The following CNGB1 variants were observed in gnomAD, a reference collection of about 807,000 sequenced individuals.
CNGB1 encodes cyclic nucleotide-gated channel beta-1.
Under a neutral mutation model 151.7 loss-of-function variants are expected in CNGB1, and 126 were observed. That is an observed-to-expected ratio of 0.83 (90% CI 0.72 to 0.96). The LOEUF is 0.96. Among genes scored for constraint, CNGB1 ranks in the 40% least tolerant of loss-of-function variants. The pLI is 0.00. For missense variants in CNGB1, 1,698 were observed against 1,627.0 expected, an observed-to-expected ratio of 1.04 and a Z score of -0.75; for synonymous variants, 623 against 635.1, an observed-to-expected ratio of 0.98 and a Z score of 0.29.
chr16:57,888,533 A>G (rs1317103808), intron 31 of CNGB1, among the ~76,000 whole-genome samples: 3 of 151,678 alleles, frequency 2.0e-5, no homozygotes, highest in African/African-American at 7.3e-5. Flanking sequence ...TAGTGGCGTG[A>G]TCATGGCTTA....
intron 16 of CNGB1, 135 bp downstream of exon 16, chr16:57,939,295 G>C: frequency 4.9e-6 from 6 of 1,226,400 alleles, no homozygotes; most frequent in Non-Finnish European, 5.9e-6. Flanking sequence ...CCTGAAGACA[G>C]GGTGGCTGAG....
intron 17 of CNGB1, among the ~76,000 whole-genome samples, chr16:57,930,534 G>T (rs1381879312): frequency 4.1e-5 from 5 of 122,806 alleles, no homozygotes; most frequent in Non-Finnish European, 8.2e-5. Context: ...GAGAGGGGAA[G>T]AGAGGGGAGG....
At position 57,964,499 on chromosome 16, in the gene CNGB1, G is replaced by C. The variant is rs1255065463; in HGVS notation, c.205C>G (p.Pro69Ala). ...FKEEEVAVAD[P>A]SPQETKEAAL... The stretch of plus-strand genomic sequence containing the variant: ...CACTCGCACTCACCCTGAGGGCTTG[G>C]GTCTGCCACAGCCACTTCCTCCTCC... The change falls in exon 3 of 33, where the codon CCA (proline) becomes GCA (alanine). Residue 69 changes from proline to alanine, a missense_variant. By Grantham distance (27) the Pro-to-Ala change is conservative. Coordinates refer to ENST00000251102, the MANE Select transcript of CNGB1 (RefSeq NM_001297.5). 6.2e-7 allele frequency: 1 copy of C among 1,614,124 alleles called. No homozygotes were observed. Among genetic ancestry groups the C allele is most frequent in the Non-Finnish European group, 8.5e-7 (1 of 1,180,030 alleles).
At chr16:57,889,810 C>T (rs1022524803) in intron 31 of CNGB1, among the ~76,000 whole-genome samples, 23 of 152,254 alleles carry the variant, frequency 1.5e-4, no homozygotes, top group African/African-American at 5.5e-4. Flanking sequence ...CCCAGTGCCC[C>T]AGATATTAAT....
chr16:57,948,420 G>T (rs1961862399), intron 14 of CNGB1, among the ~76,000 whole-genome samples: 1 of 151,578 alleles, frequency 6.6e-6, no homozygotes, highest in South Asian at 2.1e-4. Context: ...CTCCCAGAGT[G>T]CTGGGATTAC....
chr16:57,954,894 T>C (rs896057541), intron 12 of CNGB1: 74 of 1,033,892 alleles, frequency 7.2e-5, no homozygotes, highest in Non-Finnish European at 6.5e-5. Flanking sequence ...CCTCCATCCA[T>C]GGGGCTTTTT....
intron 32 of CNGB1, among the ~76,000 whole-genome samples, chr16:57,887,326 C>T (rs1959959509): frequency 6.6e-6 from 1 of 152,152 alleles, no homozygotes; most frequent in African/African-American, 2.4e-5. Flanking sequence ...TGCTCCCAGC[C>T]TACTCTCAGT....
At chr16:57,927,605 A>G (rs1033369155) in intron 17 of CNGB1, among the ~76,000 whole-genome samples, 8 of 152,216 alleles carry the variant, frequency 5.3e-5, no homozygotes, top group African/African-American at 1.4e-4. Flanking sequence ...CCCAGCACAT[A>G]CAGATGTTCA....
chr16:57,964,284 G>C, intron 3 of CNGB1, 82 bp from the exon 4 acceptor site: 2 of 1,476,468 alleles, frequency 1.4e-6, no homozygotes, highest in Non-Finnish European at 1.9e-6. Context: ...CAAGTCAGGG[G>C]AGAGGAGAGA....
intron 27 of CNGB1, among the ~76,000 whole-genome samples, chr16:57,903,259 A>T (rs1337293138): frequency 4.1e-5 from 6 of 147,838 alleles, no homozygotes; most frequent in Admixed American, 1.4e-4. Flanking sequence ...TGGGAGCCCG[A>T]GGCTGGCTAA....
rs777912112 is a variant in CNGB1 at position 57,884,349 on chromosome 16, C to T, written c.3571G>A (p.Glu1191Lys). The T allele has an allele frequency of 6.4e-7, 1 of 1,568,748 alleles. No homozygotes were observed. Among genetic ancestry groups the T allele is most frequent in the South Asian group, 1.1e-5 (1 of 88,924 alleles). ...GAGCTCGGTGGAGACCCCGGGGGCT[C>T]GGGGGGCGTCCGGGGCGCGGGTGGG... The part of the protein sequence containing the change: ...TDPPAPRTPP[E>K]PPGSPPSSPP... The change falls in exon 33 of 33, where the codon GAG becomes AAG. Residue 1191 changes from glutamate (E) to lysine (K), a missense_variant. Coordinates refer to ENST00000251102, the MANE Select transcript of CNGB1 (RefSeq NM_001297.5).
intron 25 of CNGB1, among the ~76,000 whole-genome samples, chr16:57,905,240 T>C (rs1303732372): frequency 6.6e-6 from 1 of 152,178 alleles, no homozygotes; most frequent in Admixed American, 6.5e-5. Flanking sequence ...CAATTTTCAG[T>C]CTTTTCATTT....
chr16:57,963,953 C>G lies in CNGB1; in HGVS notation c.290+177G>C, dbSNP rs1011228400. On this transcript the variant is annotated intron_variant, in intron 4 of 32. Coordinates refer to ENST00000251102, the MANE Select transcript of CNGB1 (RefSeq NM_001297.5). ...GAGCTTCAGGCTTACTTAGGGAGAGCCCGCCCTCCACCTGAAGCTCACTTC... is the reference window on the plus strand; with the variant it reads ...GAGCTTCAGGCTTACTTAGGGAGAGGCCGCCCTCCACCTGAAGCTCACTTC... 3.8e-5 allele frequency: 23 copies of G among 608,544 alleles called. 1 individual carries two copies. Among genetic ancestry groups the G allele is most frequent in the Admixed American group, 1.5e-4 (5 of 34,084 alleles). The allele number at this position is 608,544 out of a possible 1,614,324, so 37.7% of individuals were successfully genotyped here. A position where few individuals can be genotyped will look rare whatever the true frequency, so the allele number is the denominator to read the frequency against.
chr16:57,960,045 C>A lies in CNGB1; in HGVS notation c.604G>T (p.Glu202Ter). Reference protein sequence around the residue: ...SDPAPPGRPQEMGPKLQARET... With the variant: ...SDPAPPGRPQ ...CGGGCCTGCAGCTTGGGCCCCATTT[C>A]CTGGGGGCGTCCTGGAGGCGCTAAG... The change falls in exon 10 of 33, where the codon GAA becomes TAA. Residue 202 changes from glutamate (E) to a stop codon, truncating the protein, a stop_gained. Transcript: ENST00000251102. LOFTEE classifies it high-confidence loss of function. 6.4e-7 allele frequency: 1 copy of A among 1,561,854 alleles called. No homozygotes were observed. Among genetic ancestry groups the A allele is most frequent in the South Asian group, 1.2e-5 (1 of 85,546 alleles).
At chr16:57,904,037 C>T (rs751921707) in intron 26 of CNGB1, 56 bp from the exon 27 acceptor site, 2 of 1,554,056 alleles carry the variant, frequency 1.3e-6, no homozygotes. Context: ...GGGGTGGGCG[C>T]TATTCCATGG....
At chr16:57,913,114 G>A (rs990072311) in intron 23 of CNGB1, 120 bp from the exon 24 acceptor site, 5 of 874,738 alleles carry the variant, frequency 5.7e-6, no homozygotes, top group Admixed American at 1.9e-5. Flanking sequence ...ACAGGACGGT[G>A]AGCATTCAAT....
At position 57,948,321 on chromosome 16, in the gene CNGB1, T is replaced by C. The variant is rs200250913; in HGVS notation, c.1121+1032A>G. Among the ~76,000 whole-genome samples the C allele has an allele frequency of 4.0e-4, 61 of 150,892 alleles. No individual in the cohort carries two copies. The East Asian group carries it at 8.9e-3, about 22-fold the overall frequency. ...CCTTCTTTCTTCTTCTTCTTCTTTT[T>C]TTTTTTTTTTTTAAGTAGAGATGGG... On this transcript the variant is annotated intron_variant, in intron 14 of 32. Transcript: ENST00000251102.
At chr16:57,938,498 G>A (rs556059106) in intron 16 of CNGB1, among the ~76,000 whole-genome samples, 2 of 152,226 alleles carry the variant, frequency 1.3e-5, no homozygotes, top group South Asian at 4.2e-4. Flanking sequence ...CCCCTACTCT[G>A]CCCAGCAACC....
intron 18 of CNGB1, 78 bp from the exon 19 acceptor site, chr16:57,920,622 T>C: frequency 6.4e-7 from 1 of 1,566,936 alleles, no homozygotes; most frequent in Non-Finnish European, 8.7e-7. Context: ...CTGTGCAGCG[T>C]CTGTGTCCCA....
Sources: allele counts gnomAD v4.1 joint callset (sites outside exome capture counted in the v4.1 genomes callset), GRCh38; gene constraint gnomAD v4.1.1; transcripts MANE v1.5; gene names NCBI Gene and HGNC (gene_info 2026-07-23, HGNC 2026-07-21).